Variants in R3HDM1 observed in about 807,000 individuals in gnomAD.
The protein encoded by R3HDM1 is R3H domain containing 1.
Under a neutral mutation model 141.1 loss-of-function variants are expected in R3HDM1, and 46 were observed. The observed-to-expected ratio is 0.33, with a 90% CI of 0.26 to 0.42. The LOEUF (loss-of-function observed/expected upper bound fraction) is 0.42. Among genes scored for constraint, R3HDM1 ranks in the 10% least tolerant of loss-of-function variants. The pLI, the probability that R3HDM1 is intolerant of heterozygous loss-of-function variation, is 1.00. For missense variants in R3HDM1, 1,184 were observed against 1,368.3 expected (o/e 0.87, Z 2.12); for synonymous variants, 435 against 472.9 (o/e 0.92, Z 1.04).
In R3HDM1 at chr2:135,604,994, T is replaced by C. The variant is rs2059924802; in HGVS notation, c.149T>C (p.Ile50Thr). 1 of 1,606,238 alleles carries C rather than the reference T, an allele frequency of 6.2e-7. No homozygotes were observed. Residue 50 changes from isoleucine (I) to threonine (T), a missense_variant, in exon 3 of 27, where the codon ATT becomes ACT. Physicochemically the swap from Ile to Thr is moderately conservative, Grantham distance 89. Around this residue, in one of 5 missense-constraint regions of R3HDM1, gnomAD observed 192 missense variants for 215.7 expected, o/e 0.89. Coordinates refer to ENST00000683871, the MANE Select transcript of R3HDM1 (RefSeq NM_001378107.1). ...KILVEKNEHC[I>T]ENNIDLQRPL... ...TTGGTAGAGAAGAATGAACATTGTATTGAGAACAATATAGATTTGCAGGTA... is the reference window on the plus strand; with the variant it reads ...TTGGTAGAGAAGAATGAACATTGTACTGAGAACAATATAGATTTGCAGGTA...
intron 21 of R3HDM1, among the ~76,000 whole-genome samples, chr2:135,690,516 T>C (rs1316195660): frequency 6.6e-6 from 1 of 152,210 alleles, no homozygotes; most frequent in Non-Finnish European, 1.5e-5. Context: ...AATAAGAATA[T>C]GTTTTAAACT....
At chr2:135,608,666 C>G (rs989149061) in intron 3 of R3HDM1, among the ~76,000 whole-genome samples, 6 of 152,160 alleles carry the variant, frequency 3.9e-5, no homozygotes, top group African/African-American at 1.4e-4. Context: ...ATTTCATCTT[C>G]CTTTGGTACC....
intron 5 of R3HDM1, chr2:135,620,634 A>G (rs1294557921): frequency 7.2e-6 from 7 of 978,562 alleles, no homozygotes; most frequent in Non-Finnish European, 8.5e-6. Context: ...ATAGAACAAC[A>G]GTATAATTTA....
chr2:135,616,304 G>A, intron 4 of R3HDM1, 111 bp downstream of exon 4: 4 of 1,096,484 alleles, frequency 3.6e-6, no homozygotes, highest in Non-Finnish European at 5.2e-6. Flanking sequence ...TATTTTATGG[G>A]GGGCAGAAAG....
rs1015762545 is a variant in R3HDM1, at chr2:135,623,253, A to G, written c.497+521A>G. On this transcript the variant is annotated intron_variant, in intron 7 of 26. Coordinates refer to ENST00000683871, the MANE Select transcript of R3HDM1 (RefSeq NM_001378107.1). ...AATTTTTAACTTTTTGGCAACTCATAAGCACTTTGAGACATTCTCCCTGCA... is the reference window on the plus strand; with the variant it reads ...AATTTTTAACTTTTTGGCAACTCATGAGCACTTTGAGACATTCTCCCTGCA... 3.3e-5 allele frequency among the ~76,000 whole-genome samples: 5 copies of G among 152,316 alleles called. No individual in the cohort carries two copies. The East Asian group carries it at 9.6e-4, about 29-fold the overall frequency.
At chr2:135,583,896 G>T in intron 1 of R3HDM1, 1 of 985,410 alleles carries the variant, frequency 1.0e-6, no homozygotes, top group Middle Eastern at 5.2e-4. Context: ...CTATCATTCA[G>T]ATGGGTATTA....
At chr2:135,555,674 A>C (rs776347304) in intron 1 of R3HDM1, among the ~76,000 whole-genome samples, 3 of 152,254 alleles carry the variant, frequency 2.0e-5, no homozygotes, top group Non-Finnish European at 2.9e-5. Context: ...ATGTCCGTCA[A>C]CTGATGAATG....
At chr2:135,576,525 T>C (rs1705463418) in intron 1 of R3HDM1, among the ~76,000 whole-genome samples, 1 of 152,238 alleles carries the variant, frequency 6.6e-6, no homozygotes, top group African/African-American at 2.4e-5. Context: ...ACACATCTTG[T>C]ACCATGTATA....
Position 135,604,802 on chromosome 2 carries a change from T to C in R3HDM1, c.-40-4T>C. 1.9e-6 allele frequency: 3 copies of C among 1,596,536 alleles called. No homozygotes were observed. Among genetic ancestry groups the C allele is most frequent in the Non-Finnish European group, 2.6e-6 (3 of 1,167,736 alleles). ...TCAAACTGTATTAATTTTTTTTTCT[T>C]AAGGCTTCAAGCTCCCTGTAGAATT... On this transcript the variant is annotated splice_region_variant and splice_polypyrimidine_tract_variant and intron_variant, in intron 2 of 26. Coordinates refer to ENST00000683871, the MANE Select transcript of R3HDM1 (RefSeq NM_001378107.1).
intron 17 of R3HDM1, chr2:135,650,993 TAA>T (rs1156664856): frequency 1.0e-6 from 1 of 985,302 alleles, no homozygotes; most frequent in East Asian, 1.1e-4. Flanking sequence ...TCTGGAACAA[TAA>T]GAGCTGGTCC....
At position 135,636,105 on chromosome 2, in the gene R3HDM1, A is replaced by G; in HGVS notation, c.825A>G (p.Lys275=). ...KDDNQMRIRL[K]DDRRSKSIEE... Reference sequence around the variant, plus strand: ...TTCTGTAGATGAGAATACGTTTGAAAGATGACAGAAGAAGCAAATCTATAG... The same window carrying G: ...TTCTGTAGATGAGAATACGTTTGAAGGATGACAGAAGAAGCAAATCTATAG... Residue 275 remains lysine (K), a synonymous_variant, in exon 11 of 27, where the codon AAA becomes AAG. Coordinates refer to ENST00000683871, the MANE Select transcript of R3HDM1 (RefSeq NM_001378107.1). The G allele has an allele frequency of 6.2e-7, 1 of 1,612,872 alleles. No homozygotes were observed. Among genetic ancestry groups the G allele is most frequent in the Non-Finnish European group, 8.5e-7 (1 of 1,179,468 alleles).
Position 135,546,149 on chromosome 2 carries a change from T to C in R3HDM1, c.-250+14516T>C, listed in dbSNP as rs1332845020. Among the ~76,000 whole-genome samples the C allele has an allele frequency of 3.3e-5, 5 of 152,238 alleles. No homozygotes were observed. The East Asian group carries it at 9.6e-4, about 29-fold the overall frequency. On this transcript the variant is annotated intron_variant, in intron 1 of 26. Coordinates refer to ENST00000683871, the MANE Select transcript of R3HDM1 (RefSeq NM_001378107.1). ...TGACAAGAGCGCATTCCTAAGAGAA[T>C]GTTTGTCTCCACATTGTATTTCTTT... is the stretch of plus-strand genomic sequence containing the variant.
chr2:135,627,651 A>G (rs1261498349), intron 7 of R3HDM1, among the ~76,000 whole-genome samples: 2 of 152,152 alleles, frequency 1.3e-5, no homozygotes, highest in African/African-American at 4.8e-5. Flanking sequence ...TAGGAAAACA[A>G]TACCATGGAT....
At chr2:135,622,406 T>C in intron 6 of R3HDM1, 9 of 984,342 alleles carry the variant, frequency 9.1e-6, no homozygotes, top group Non-Finnish European at 1.1e-5. Flanking sequence ...AACAGACACA[T>C]GTGAGAGGTT....
At chr2:135,703,033 C>G (rs528420874) in intron 21 of R3HDM1, among the ~76,000 whole-genome samples, 21 of 152,168 alleles carry the variant, frequency 1.4e-4, no homozygotes, top group African/African-American at 4.3e-4. Context: ...CAGAATATGC[C>G]CCATCTCAAG....
At chr2:135,669,101 G>A in intron 19 of R3HDM1, 1 of 973,352 alleles carries the variant, frequency 1.0e-6, no homozygotes, top group African/African-American at 1.8e-5. Flanking sequence ...GGAGTGCAGT[G>A]GCCCTTCCTA....
At chr2:135,708,423 T>C (rs2075211381) in intron 21 of R3HDM1, among the ~76,000 whole-genome samples, 2 of 152,350 alleles carry the variant, frequency 1.3e-5, no homozygotes, top group Admixed American at 1.3e-4. Context: ...TTGTATAAAG[T>C]TTAATGCAAT....
chr2:135,592,307 A>T (rs1264745938), intron 1 of R3HDM1, among the ~76,000 whole-genome samples: 4 of 152,164 alleles, frequency 2.6e-5, no homozygotes, highest in Non-Finnish European at 5.9e-5. Flanking sequence ...AGGTCAGCCA[A>T]ATTTTCCATT....
intron 1 of R3HDM1, among the ~76,000 whole-genome samples, chr2:135,559,500 G>A (rs1701410096): frequency 1.3e-5 from 2 of 151,990 alleles, no homozygotes; most frequent in African/African-American, 4.8e-5. Flanking sequence ...AAAATCACCA[G>A]GTCCATCCTG....
Sources: gnomAD v4.1 joint callset for allele counts (sites outside exome capture counted in the v4.1 genomes callset) on GRCh38, gnomAD v4.1.1 for gene constraint, gnomAD v4.1.1 regional missense constraint, MANE v1.5 for transcripts, NCBI Gene and HGNC (gene_info 2026-07-23, HGNC 2026-07-21) for gene names.